GTF2A1: variants seen among roughly 807,000 people sequenced by gnomAD.
GTF2A1 encodes the protein general transcription factor IIA subunit 1, also known as transcription initiation factor IIA subunit 1.
Under a neutral mutation model 54.1 loss-of-function variants are expected in GTF2A1, and 12 were observed. The observed-to-expected ratio is 0.22, with a 90% CI of 0.14 to 0.36. The LOEUF is 0.36. Among genes scored for constraint, GTF2A1 ranks in the 10% least tolerant of loss-of-function variants. The probability of loss-of-function intolerance (pLI) is 1.00; values close to 1 mark genes in which losing one functional copy is unlikely to be tolerated. For synonymous variants in GTF2A1, 145 were observed against 152.0 expected (o/e 0.95, Z 0.34); for missense variants, 335 against 442.2 (o/e 0.76, Z 2.17).
At chr14:81,194,413 G>C (rs1460101436) in intron 6 of GTF2A1, among the ~76,000 whole-genome samples, 1 of 152,234 alleles carries the variant, frequency 6.6e-6, no homozygotes, top group Non-Finnish European at 1.5e-5. Flanking sequence ...TTTGGGGGAA[G>C]TGCAGGGAGT....
At chr14:81,186,856 T>C (rs1214473245) in intron 7 of GTF2A1, among the ~76,000 whole-genome samples, 2 of 151,494 alleles carry the variant, frequency 1.3e-5, no homozygotes, top group Non-Finnish European at 2.9e-5. Context: ...AGGATGAGGG[T>C]GGGAGGATTA....
At chr14:81,211,878 TA>T (rs1893375356) in intron 2 of GTF2A1, among the ~76,000 whole-genome samples, 1 of 25,572 alleles carries the variant, frequency 3.9e-5, no homozygotes, top group Non-Finnish European at 1.8e-4. Context: ...AAGTACTTTA[TA>T]TATATATATA....
Position 81,176,735 on chromosome 14 carries a change from T to C in GTF2A1, c.*3488A>G, listed in dbSNP as rs1378832444. The C allele has an allele frequency of 1.3e-5, 2 of 152,070 alleles. No individual in the cohort carries two copies. The highest frequency in any genetic ancestry group is 2.9e-5 in the Non-Finnish European group (2 of 67,956). 9.4% of individuals were successfully genotyped at this position (152,070 alleles called of 1,614,324 possible). A position where few individuals can be genotyped will look rare whatever the true frequency, so the allele number is the denominator to read the frequency against. On this transcript the variant is annotated 3_prime_UTR_variant, in exon 9 of 9. Coordinates refer to ENST00000553612, the MANE Select transcript of GTF2A1 (RefSeq NM_015859.4). ...TTTAACTAAAGAATTCAAAATCTGC[T>C]ATAGCTGATTCTGACAGGTAGGTGA...
Position 81,192,756 on chromosome 14 carries a change from C to T in GTF2A1, c.696G>A (p.Lys232=). 6.2e-7 allele frequency: 1 copy of T among 1,613,600 alleles called. No homozygotes were observed. The highest frequency in any genetic ancestry group is 1.1e-5 in the South Asian group (1 of 91,080). Residue 232 remains lysine (K), a synonymous_variant, in exon 7 of 9, where the codon AAG becomes AAA. Coordinates refer to ENST00000553612, the MANE Select transcript of GTF2A1 (RefSeq NM_015859.4). The stretch of plus-strand genomic sequence containing the variant: ...CCACTGTCGTAGGTATAACTTGAGT[C>T]TTATTTCCTGTAAATAAGATTTGCT... ...QPQQILFTGN[K]TQVIPTTVAA...
chr14:81,193,383 T>C (rs1216282064), intron 6 of GTF2A1, among the ~76,000 whole-genome samples: 1 of 152,066 alleles, frequency 6.6e-6, no homozygotes, highest in East Asian at 1.9e-4. Context: ...GTCAGGCTGG[T>C]CTCGAACTCA....
At chr14:81,217,504 A>T (rs1284960190) in intron 1 of GTF2A1, among the ~76,000 whole-genome samples, 1 of 152,212 alleles carries the variant, frequency 6.6e-6, no homozygotes, top group South Asian at 2.1e-4. Flanking sequence ...AGCTTTTTAG[A>T]TGTTTTCTCA....
intron 6 of GTF2A1, among the ~76,000 whole-genome samples, chr14:81,195,243 C>T (rs1892967609): frequency 6.7e-6 from 1 of 150,248 alleles, no homozygotes; most frequent in Admixed American, 6.6e-5. Context: ...AGTGACAAAT[C>T]ATGGACAGTA....
At chr14:81,211,970 C>T (rs1188732826) in intron 2 of GTF2A1, among the ~76,000 whole-genome samples, 1 of 147,618 alleles carries the variant, frequency 6.8e-6, no homozygotes. Flanking sequence ...CCGGCGACAT[C>T]TGGCAATGTC....
At chr14:81,193,732 A>G (rs996358600) in intron 6 of GTF2A1, among the ~76,000 whole-genome samples, 1 of 152,220 alleles carries the variant, frequency 6.6e-6, no homozygotes, top group Non-Finnish European at 1.5e-5. Context: ...CTAGGATTCT[A>G]AAGTAAGCCA....
At chr14:81,210,021 C>T in intron 2 of GTF2A1, 1 of 442,608 alleles carries the variant, frequency 2.3e-6, no homozygotes, top group South Asian at 1.9e-5. Flanking sequence ...TTCGGCAGGA[C>T]AATTCTTTAT....
At chr14:81,213,044 AC>A in intron 2 of GTF2A1, among the ~76,000 whole-genome samples, 1 of 152,210 alleles carries the variant, frequency 6.6e-6, no homozygotes, top group East Asian at 1.9e-4. Flanking sequence ...CTCCAATACA[AC>A]CCAGATAGAA....
intron 3 of GTF2A1, among the ~76,000 whole-genome samples, chr14:81,203,217 A>G (rs1893152613): frequency 6.6e-6 from 1 of 152,260 alleles, no homozygotes. Flanking sequence ...ATAAGATGCC[A>G]GTGAAACAGT....
intron 7 of GTF2A1, among the ~76,000 whole-genome samples, chr14:81,192,106 C>T (rs1238961450): frequency 1.3e-5 from 2 of 152,134 alleles, no homozygotes; most frequent in Non-Finnish European, 2.9e-5. Flanking sequence ...AAATTTGTGA[C>T]ATTTGGTTCT....
intron 2 of GTF2A1, among the ~76,000 whole-genome samples, chr14:81,215,800 C>A (rs1418193104): frequency 6.6e-6 from 1 of 152,052 alleles, no homozygotes; most frequent in Non-Finnish European, 1.5e-5. Context: ...CTTTGGGAGG[C>A]CGAGGCGGGA....
rs1390932501 is a variant in GTF2A1 at position 81,178,253 on chromosome 14, G to A, written c.*1970C>T. 3.3e-5 allele frequency: 5 copies of A among 151,892 alleles called. No homozygotes were observed. The highest frequency in any genetic ancestry group is 5.9e-5 in the Non-Finnish European group (4 of 67,968). The allele number at this position is 151,892 out of a possible 1,614,324, so 9.4% of individuals were successfully genotyped here. ...CTGCAGCACTGCTGAATTTTTATAG[G>A]TAGTTCAGGTCACTGACTTCCTTAC... On this transcript the variant is annotated 3_prime_UTR_variant, in exon 9 of 9. Coordinates refer to ENST00000553612, the MANE Select transcript of GTF2A1 (RefSeq NM_015859.4).
At chr14:81,207,134 C>T (rs905716347) in intron 2 of GTF2A1, among the ~76,000 whole-genome samples, 1 of 124,534 alleles carries the variant, frequency 8.0e-6, no homozygotes, top group Non-Finnish European at 1.8e-5. Flanking sequence ...TATCTACCTA[C>T]CTACGTACCT....
At chr14:81,184,324 C>T (rs1278680239) in intron 8 of GTF2A1, among the ~76,000 whole-genome samples, 1 of 152,150 alleles carries the variant, frequency 6.6e-6, no homozygotes, top group Non-Finnish European at 1.5e-5. Flanking sequence ...GACTTCCTAA[C>T]AATAAAGATT....
chr14:81,218,616 A>G (rs1461929695), intron 1 of GTF2A1, among the ~76,000 whole-genome samples: 1 of 152,166 alleles, frequency 6.6e-6, no homozygotes, highest in Non-Finnish European at 1.5e-5. Flanking sequence ...AATTTTTAAA[A>G]AACAGGTTAT....
intron 3 of GTF2A1, among the ~76,000 whole-genome samples, chr14:81,203,262 T>C (rs531158753): frequency 6.6e-6 from 1 of 152,356 alleles, no homozygotes; most frequent in Admixed American, 6.5e-5. Context: ...CAAGGCACTA[T>C]GGACACAGTC....
Sources: allele counts gnomAD v4.1 joint callset (sites outside exome capture counted in the v4.1 genomes callset), GRCh38; gene constraint gnomAD v4.1.1; transcripts MANE v1.5; gene names NCBI Gene and HGNC (gene_info 2026-07-23, HGNC 2026-07-21).